Variants in SPATS2L observed in about 807,000 individuals in gnomAD.
SPATS2L encodes the protein spermatogenesis associated serine rich 2 like.
SPATS2L carries 30 observed loss-of-function variants against 59.6 expected under a neutral mutation model. The ratio of observed to expected loss-of-function variants is 0.50; its 90% CI spans 0.38 to 0.68. The LOEUF (loss-of-function observed/expected upper bound fraction) is 0.68. SPATS2L is among the 30% of genes least tolerant of loss of function. SPATS2L has a pLI of 0.00. For synonymous variants in SPATS2L, 252 were observed against 263.5 expected, an observed-to-expected ratio of 0.96 and a Z score of 0.42; for missense variants, 615 against 700.0, an observed-to-expected ratio of 0.88 and a Z score of 1.37.
At chr2:200,348,078 A>C (rs552833607) in intron 2 of SPATS2L, among the ~76,000 whole-genome samples, 5 of 152,174 alleles carry the variant, frequency 3.3e-5, no homozygotes, top group Non-Finnish European at 7.4e-5. Context: ...ATTGTTTCTG[A>C]ACATAAAGTT....
intron 1 of SPATS2L, among the ~76,000 whole-genome samples, chr2:200,319,339 C>T (rs576449078): frequency 1.4e-4 from 21 of 152,094 alleles, no homozygotes; most frequent in East Asian, 9.7e-4. Context: ...CCGAGGTGGG[C>T]GTATCACTTG....
At chr2:200,359,429 A>G (rs1164012160) in intron 2 of SPATS2L, among the ~76,000 whole-genome samples, 2 of 152,200 alleles carry the variant, frequency 1.3e-5, no homozygotes, top group Non-Finnish European at 2.9e-5. Flanking sequence ...TATCTTTAAA[A>G]TGTTGAATGG....
At chr2:200,440,333 A>G (rs1186684758) in intron 7 of SPATS2L, among the ~76,000 whole-genome samples, 1 of 152,220 alleles carries the variant, frequency 6.6e-6, no homozygotes, top group East Asian at 1.9e-4. Context: ...AGCAGCACAA[A>G]TGGTCTTTAG....
chr2:200,416,488 A>G lies in SPATS2L; in HGVS notation c.198+60A>G, dbSNP rs191486145. On this transcript the variant is annotated intron_variant, in intron 5 of 12. Coordinates refer to ENST00000409140, the MANE Select transcript of SPATS2L (RefSeq NM_001100423.2). ...TTCAATCAAAACCTTCATGGTTGTT[A>G]TCATTTTAACAAGGCTGCCAATTTT... 545 of 1,029,042 alleles carry G rather than the reference A, an allele frequency of 5.3e-4. 5 individuals are homozygous for G. The Admixed American group carries it at 0.016, about 30-fold the overall frequency. The allele number at this position is 1,029,042 out of a possible 1,614,324, so 63.7% of individuals were successfully genotyped here.
intron 2 of SPATS2L, chr2:200,351,375 T>C: frequency 2.2e-6 from 1 of 451,496 alleles, no homozygotes; most frequent in South Asian, 1.6e-5. Flanking sequence ...TATAGTAATA[T>C]ATTTGCAGTA....
intron 2 of SPATS2L, among the ~76,000 whole-genome samples, chr2:200,347,319 T>A (rs147202012): frequency 1.3e-5 from 2 of 152,248 alleles, no homozygotes; most frequent in East Asian, 3.9e-4. Flanking sequence ...AACACAGAGA[T>A]CACTAGGTGG....
chr2:200,355,365 T>C (rs2080879375), intron 2 of SPATS2L, among the ~76,000 whole-genome samples: 1 of 152,270 alleles, frequency 6.6e-6, no homozygotes, highest in South Asian at 2.1e-4. Flanking sequence ...TACCTTCATT[T>C]ACTTTGATTC....
At chr2:200,421,251 G>C (rs972878786) in intron 6 of SPATS2L, among the ~76,000 whole-genome samples, 1 of 152,168 alleles carries the variant, frequency 6.6e-6, no homozygotes, top group African/African-American at 2.4e-5. Flanking sequence ...TTTCCTGGGA[G>C]CATTGGGTAT....
At position 200,388,620 on chromosome 2, in the gene SPATS2L, C is replaced by G. The variant is rs1004135629; in HGVS notation, c.-22-603C>G. ...AAAAAAGGTTTTGAGATGCCCCCCC[C>G]CCACCCAGAAAAAGACTACAGGAAA... On this transcript the variant is annotated intron_variant, in intron 2 of 12. Transcript: ENST00000409140. Among the ~76,000 whole-genome samples the G allele has an allele frequency of 6.6e-3, 996 of 150,052 alleles. 10 individuals carry two copies. Among genetic ancestry groups the G allele is most frequent in the Non-Finnish European group, 0.011 (749 of 67,550 alleles).
At chr2:200,334,944 C>A (rs572408670) in intron 2 of SPATS2L, among the ~76,000 whole-genome samples, 2 of 152,124 alleles carry the variant, frequency 1.3e-5, no homozygotes, top group Non-Finnish European at 2.9e-5. Context: ...AGTTAGATAG[C>A]GTGATGCCTC....
intron 8 of SPATS2L, among the ~76,000 whole-genome samples, chr2:200,443,675 T>C (rs116639377): frequency 0.015 from 2,303 of 152,298 alleles, 49 homozygotes; most frequent in African/African-American, 0.052. Flanking sequence ...TCAGAAATTC[T>C]AAATATTCAC....
intron 2 of SPATS2L, among the ~76,000 whole-genome samples, chr2:200,370,132 G>A (rs1198800763): frequency 6.6e-6 from 1 of 152,188 alleles, no homozygotes; most frequent in African/African-American, 2.4e-5. Flanking sequence ...GAATGGCAAA[G>A]AATGGAGAAA....
intron 1 of SPATS2L, among the ~76,000 whole-genome samples, chr2:200,328,785 AC>A (rs2079840226): frequency 1.3e-5 from 2 of 152,328 alleles, no homozygotes; most frequent in Non-Finnish European, 2.9e-5. Flanking sequence ...CGACCTTGGC[AC>A]CCATCTTTCC....
intron 3 of SPATS2L, among the ~76,000 whole-genome samples, chr2:200,394,903 G>A (rs1462600918): frequency 6.6e-6 from 1 of 152,058 alleles, no homozygotes; most frequent in African/African-American, 2.4e-5. Flanking sequence ...TGAGTAACCG[G>A]TCATATCCTG....
intron 2 of SPATS2L, among the ~76,000 whole-genome samples, chr2:200,371,614 G>A (rs980800477): frequency 2.6e-5 from 4 of 152,136 alleles, no homozygotes; most frequent in African/African-American, 9.7e-5. Context: ...GTCAAATGAG[G>A]AATAAGTGCA....
intron 3 of SPATS2L, among the ~76,000 whole-genome samples, chr2:200,396,426 A>G (rs1193241723): frequency 1.3e-5 from 2 of 152,152 alleles, no homozygotes; most frequent in African/African-American, 2.4e-5. Context: ...ATGGAGATAG[A>G]AGGTGTTCAT....
chr2:200,351,376 A>T (rs1384302474), intron 2 of SPATS2L: 1 of 451,120 alleles, frequency 2.2e-6, no homozygotes, highest in East Asian at 7.1e-5. Flanking sequence ...ATAGTAATAT[A>T]TTTGCAGTAA....
chr2:200,360,477 G>A (rs2081060024), intron 2 of SPATS2L, among the ~76,000 whole-genome samples: 1 of 152,308 alleles, frequency 6.6e-6, no homozygotes, highest in South Asian at 2.1e-4. Flanking sequence ...CCAGGGGCAG[G>A]GCCTGCACCC....
chr2:200,470,901 T>G (rs886806217), intron 11 of SPATS2L, among the ~76,000 whole-genome samples: 6 of 152,162 alleles, frequency 3.9e-5, no homozygotes, highest in South Asian at 2.1e-4. Flanking sequence ...GCATTTAGAT[T>G]GCTTGCAGTT....
Sources: gnomAD v4.1 joint callset for allele counts (sites outside exome capture counted in the v4.1 genomes callset) on GRCh38, gnomAD v4.1.1 for gene constraint, MANE v1.5 for transcripts, NCBI Gene and HGNC (gene_info 2026-07-23, HGNC 2026-07-21) for gene names.